PHF20L1: variants seen among roughly 807,000 people sequenced by gnomAD.
PHF20L1 encodes PHD finger protein 20 like 1, also known as PHD finger protein 20-like protein 1.
PHF20L1 carries 44 observed loss-of-function variants against 125.5 expected under a neutral mutation model. The observed-to-expected ratio is 0.35, with a 90% confidence interval of 0.28 to 0.45. The LOEUF (loss-of-function observed/expected upper bound fraction) is 0.45, where lower values mean the gene tolerates loss of function less well. PHF20L1 is among the 20% of genes least tolerant of loss of function. PHF20L1 has a pLI of 1.00. For missense variants in PHF20L1, 1,012 were observed against 1,217.2 expected (o/e 0.83, Z 2.51); for synonymous variants, 380 against 403.1 (o/e 0.94, Z 0.69).
At chr8:132,843,172 C>A in intron 19 of PHF20L1, 2 of 1,060,228 alleles carry the variant, frequency 1.9e-6, no homozygotes, top group Non-Finnish European at 2.3e-6. Context: ...GTATTCAAAA[C>A]GAAAATGTCA....
intron 6 of PHF20L1, among the ~76,000 whole-genome samples, chr8:132,803,114 A>G (rs569793558): frequency 6.6e-6 from 1 of 151,800 alleles, no homozygotes; most frequent in Non-Finnish European, 1.5e-5. Context: ...AAAAATAAAT[A>G]TTTGTACCTC....
rs1268226938 is a variant in PHF20L1, at chr8:132,845,911, T to C, written c.3042T>C (p.Leu1014=). ...GCAAAGTACAGCAGATAGCAACTCT[T>C]TGCTCTGTATGACAACAGTGAACAC... ...DMGKVQQIAT[L]CSV Residue 1014 remains leucine (L), a synonymous_variant, in exon 21 of 21, where the codon CTT becomes CTC. Coordinates refer to ENST00000395386, the MANE Select transcript of PHF20L1 (RefSeq NM_016018.5). 1.2e-6 allele frequency: 2 copies of C among 1,611,686 alleles called. No homozygotes were observed. The highest frequency in any genetic ancestry group is 2.7e-5 in the African/African-American group (2 of 74,856).
rs776058258 is a variant in PHF20L1 at position 132,845,812 on chromosome 8, G to A, written c.2943G>A (p.Glu981=). Residue 981 remains glutamate, a synonymous_variant, in exon 21 of 21, where the codon GAG becomes GAA. Transcript: ENST00000395386. ...AAAGCTGGCTTGATTTCACAGGGGAGTTGGAGCCACCAGATCCTCTTGCAA... is the reference window on the plus strand; with the variant it reads ...AAAGCTGGCTTGATTTCACAGGGGAATTGGAGCCACCAGATCCTCTTGCAA... ...VLESWLDFTG[E]LEPPDPLARL... 1.2e-6 allele frequency: 2 copies of A among 1,611,030 alleles called. No individual in the cohort carries two copies. Among genetic ancestry groups the A allele is most frequent in the African/African-American group, 2.7e-5 (2 of 74,896 alleles).
chr8:132,792,871 G>A (rs777188351), intron 2 of PHF20L1, among the ~76,000 whole-genome samples: 2 of 151,426 alleles, frequency 1.3e-5, no homozygotes, highest in African/African-American at 4.9e-5. Flanking sequence ...TCTCCGTCTC[G>A]TTGACTGCAC....
In PHF20L1 at chr8:132,836,526, T is replaced by C. The variant is rs748370856; in HGVS notation, c.1910-14T>C. 4.6e-6 allele frequency: 7 copies of C among 1,536,480 alleles called. No homozygotes were observed. The South Asian group carries it at 8.2e-5, about 18-fold the overall frequency. ...GAAAAGTTGTTCTAAGTATACTTTT[T>C]GTATATATTCTAGACTTATCAGATG... On this transcript the variant is annotated splice_polypyrimidine_tract_variant and intron_variant, in intron 15 of 20. Transcript: ENST00000395386.
chr8:132,843,449 T>G (rs1838132137), intron 19 of PHF20L1: 7 of 981,086 alleles, frequency 7.1e-6, no homozygotes, highest in Non-Finnish European at 7.3e-6. Flanking sequence ...AATTAGATGT[T>G]TTTTTTCTGC....
At chr8:132,844,082 T>C (rs1417841219) in intron 19 of PHF20L1, 74 bp from the exon 20 acceptor site, 7 of 1,579,540 alleles carry the variant, frequency 4.4e-6, no homozygotes, top group Non-Finnish European at 6.0e-6. Context: ...ATGAGGTGTT[T>C]CCTGTATCCT....
At chr8:132,782,402 G>C (rs1830528048) in intron 2 of PHF20L1, among the ~76,000 whole-genome samples, 1 of 152,072 alleles carries the variant, frequency 6.6e-6, no homozygotes, top group Non-Finnish European at 1.5e-5. Flanking sequence ...TCTACAGATG[G>C]GTACATAATC....
chr8:132,832,001 A>G (rs1273866477), intron 14 of PHF20L1, among the ~76,000 whole-genome samples: 1 of 152,090 alleles, frequency 6.6e-6, no homozygotes, highest in Non-Finnish European at 1.5e-5. Context: ...GTTTACAGGT[A>G]CCAGTTAGAA....
In PHF20L1 at chr8:132,789,094, T is replaced by A. The variant is rs542757908; in HGVS notation, c.84-5316T>A. The A allele has an allele frequency of 2.0e-5, 3 of 152,300 alleles. No individual in the cohort carries two copies. The South Asian group carries it at 6.2e-4, about 32-fold the overall frequency. The allele number at this position is 152,300 out of a possible 1,614,324, so 9.4% of individuals were successfully genotyped here. A position where few individuals can be genotyped will look rare whatever the true frequency, so the allele number is the denominator to read the frequency against. ...TCCCATTTTAGATTTCTGTAAAATATGTAAAAATAAATTTTAAGCAAAACA... is the reference window on the plus strand; with the variant it reads ...TCCCATTTTAGATTTCTGTAAAATAAGTAAAAATAAATTTTAAGCAAAACA... On this transcript the variant is annotated intron_variant, in intron 2 of 20. Transcript: ENST00000395386.
intron 2 of PHF20L1, among the ~76,000 whole-genome samples, chr8:132,780,753 T>C (rs926106030): frequency 2.6e-5 from 4 of 152,028 alleles, no homozygotes; most frequent in East Asian, 1.9e-4. Context: ...AACTAACTTA[T>C]CACATGTTGA....
chr8:132,792,208 A>G (rs934595974), intron 2 of PHF20L1, among the ~76,000 whole-genome samples: 3 of 152,204 alleles, frequency 2.0e-5, no homozygotes, highest in South Asian at 2.1e-4. Context: ...AAACTTACCA[A>G]TTTTTACAAT....
chr8:132,812,027 C>T (rs1385470469), intron 9 of PHF20L1: 2 of 983,806 alleles, frequency 2.0e-6, no homozygotes, highest in African/African-American at 1.7e-5. Flanking sequence ...GATTTGATAA[C>T]AATGCGTTGT....
chr8:132,832,676 G>A (rs1836901511), intron 15 of PHF20L1, among the ~76,000 whole-genome samples: 2 of 152,024 alleles, frequency 1.3e-5, no homozygotes, highest in African/African-American at 4.8e-5. Context: ...ACTATCAACT[G>A]ACAGAGTAGG....
intron 13 of PHF20L1, 130 bp downstream of exon 13, chr8:132,824,190 C>A (rs992933271): frequency 7.2e-6 from 4 of 559,028 alleles, no homozygotes; most frequent in Non-Finnish European, 1.3e-5. Context: ...TTAGTTCCTA[C>A]TAGTGTTAGT....
Position 132,817,444 on chromosome 8 carries a change from A to G in PHF20L1, c.1478A>G (p.Tyr493Cys). The G allele has an allele frequency of 6.2e-7, 1 of 1,612,626 alleles. No homozygotes were observed. The highest frequency in any genetic ancestry group is 8.5e-7 in the Non-Finnish European group (1 of 1,179,132). The stretch of plus-strand genomic sequence containing the variant: ...GCACCGGTAGCCTCAGATTCCTCTT[A>G]CCGTAATGAATGTCCCAGGGCAGAA... The part of the protein sequence containing the change: ...VTAPVASDSS[Y>C]RNECPRAEKE... Residue 493 changes from tyrosine to cysteine, a missense_variant, in exon 12 of 21, where the codon TAC (tyrosine) becomes TGC (cysteine). By Grantham distance (194) the Tyr-to-Cys change is radical. This residue lies in a region of PHF20L1 where 320 missense variants were observed against 293.8 expected (regional missense o/e 1.09). Transcript: ENST00000395386.
chr8:132,820,772 A>G (rs144671036), intron 12 of PHF20L1, among the ~76,000 whole-genome samples: 2 of 152,084 alleles, frequency 1.3e-5, no homozygotes, highest in African/African-American at 4.8e-5. Flanking sequence ...AAAGATTATG[A>G]TGTAGGATTA....
At chr8:132,812,032 C>G (rs780726196) in intron 9 of PHF20L1, 29 of 983,238 alleles carry the variant, frequency 2.9e-5, no homozygotes, top group Non-Finnish European at 3.4e-5. Flanking sequence ...GATAACAATG[C>G]GTTGTTTTGG....
chr8:132,835,370 C>T (rs1837240340), intron 15 of PHF20L1, among the ~76,000 whole-genome samples: 1 of 152,092 alleles, frequency 6.6e-6, no homozygotes, highest in Non-Finnish European at 1.5e-5. Context: ...CAGCATTATA[C>T]GATGTTCTGT....
Sources: allele counts gnomAD v4.1 joint callset (sites outside exome capture counted in the v4.1 genomes callset), GRCh38; gene constraint gnomAD v4.1.1; regional missense constraint gnomAD v4.1.1; transcripts MANE v1.5; gene names NCBI Gene and HGNC (gene_info 2026-07-23, HGNC 2026-07-21).